CCSER1: variants seen among roughly 807,000 people sequenced by gnomAD.
CCSER1 encodes serine-rich coiled-coil domain-containing protein 1.
CCSER1 carries 41 observed loss-of-function variants against 82.0 expected under a neutral mutation model. The observed-to-expected ratio is 0.50, with a 90% CI of 0.39 to 0.65. The LOEUF (loss-of-function observed/expected upper bound fraction) is 0.65. Among genes scored for constraint, CCSER1 ranks in the 30% least tolerant of loss-of-function variants. The pLI is 0.00. For missense variants in CCSER1, 1,119 were observed against 1,064.2 expected, an observed-to-expected ratio of 1.05 and a Z score of -0.72; for synonymous variants, 414 against 383.9, an observed-to-expected ratio of 1.08 and a Z score of -0.92.
At chr4:90,761,164 C>A (rs1750356148) in intron 7 of CCSER1, among the ~76,000 whole-genome samples, 2 of 152,036 alleles carry the variant, frequency 1.3e-5, no homozygotes, top group African/African-American at 4.8e-5. Flanking sequence ...TCGTTACTAA[C>A]TATGGTTTGA....
At chr4:90,795,901 A>AT (rs1447106186) in intron 7 of CCSER1, among the ~76,000 whole-genome samples, 4 of 151,856 alleles carry the variant, frequency 2.6e-5, no homozygotes, top group Admixed American at 6.6e-5. Context: ...TTTTGCCAGT[A>AT]TTTTTTTGAG....
At chr4:90,782,776 G>C (rs994769216) in intron 7 of CCSER1, among the ~76,000 whole-genome samples, 8 of 147,710 alleles carry the variant, frequency 5.4e-5, no homozygotes, top group Non-Finnish European at 1.0e-4. Flanking sequence ...CCACCTCCCG[G>C]GTTCACGCCA....
At chr4:90,639,396 T>C (rs960838339) in intron 6 of CCSER1, among the ~76,000 whole-genome samples, 1 of 152,050 alleles carries the variant, frequency 6.6e-6, no homozygotes, top group African/African-American at 2.4e-5. Context: ...TTTATGCTTT[T>C]CTGGACATAC....
chr4:90,462,711 A>C (rs1328216115), intron 4 of CCSER1, among the ~76,000 whole-genome samples: 1 of 152,126 alleles, frequency 6.6e-6, no homozygotes, highest in Admixed American at 6.6e-5. Context: ...TAGCCACCAG[A>C]CTCCAGCTTG....
chr4:90,909,019 C>T (rs1054604479), intron 8 of CCSER1, among the ~76,000 whole-genome samples: 2 of 152,078 alleles, frequency 1.3e-5, no homozygotes, highest in Non-Finnish European at 2.9e-5. Flanking sequence ...TGGGCAGAGC[C>T]ATATTTCCTC....
chr4:90,962,544 C>T (rs1581213283), intron 9 of CCSER1, among the ~76,000 whole-genome samples: 1 of 152,072 alleles, frequency 6.6e-6, no homozygotes, highest in Non-Finnish European at 1.5e-5. Flanking sequence ...AAACTTGCTT[C>T]TCAGAATGTG....
chr4:91,156,970 A>G (rs1020356017), intron 10 of CCSER1, among the ~76,000 whole-genome samples: 1 of 151,968 alleles, frequency 6.6e-6, no homozygotes, highest in Non-Finnish European at 1.5e-5. Context: ...TCTTCCATGT[A>G]CGACGTTACT....
At chr4:90,811,993 C>T (rs1360158167) in intron 7 of CCSER1, among the ~76,000 whole-genome samples, 11,277 of 117,140 alleles carry the variant, frequency 0.096, 498 homozygotes, top group Admixed American at 0.13. Context: ...TATATATAAA[C>T]ACATATATAT....
At chr4:90,956,181 T>G (rs1397309233) in intron 9 of CCSER1, among the ~76,000 whole-genome samples, 1 of 152,104 alleles carries the variant, frequency 6.6e-6, no homozygotes, top group African/African-American at 2.4e-5. Context: ...GCCTTAGAAC[T>G]TTGTCAAAAG....
intron 7 of CCSER1, among the ~76,000 whole-genome samples, chr4:90,765,799 A>G (rs149210492): frequency 1.1e-3 from 169 of 152,304 alleles, no homozygotes; most frequent in African/African-American, 4.0e-3. Flanking sequence ...ACCTAGATAC[A>G]AGAGTCAGAC....
At chr4:90,399,061 G>GT (rs1359918723) in intron 3 of CCSER1, among the ~76,000 whole-genome samples, 8 of 151,922 alleles carry the variant, frequency 5.3e-5, no homozygotes, top group South Asian at 2.1e-4. Context: ...TATTTAGGCT[G>GT]TTTTTTTGAT....
chr4:90,320,450 T>G (rs937540367), intron 3 of CCSER1, among the ~76,000 whole-genome samples: 5 of 152,160 alleles, frequency 3.3e-5, no homozygotes, highest in South Asian at 4.1e-4. Flanking sequence ...ATGACATTGT[T>G]CCAGTGGAAG....
chr4:91,170,442 C>T (rs891195712), intron 10 of CCSER1, among the ~76,000 whole-genome samples: 3 of 152,010 alleles, frequency 2.0e-5, no homozygotes, highest in Non-Finnish European at 2.9e-5. Context: ...TCTGAAAACA[C>T]GTGACTGTGT....
At chr4:90,508,198 G>A (rs1770976218) in intron 5 of CCSER1, among the ~76,000 whole-genome samples, 1 of 152,016 alleles carries the variant, frequency 6.6e-6, no homozygotes, top group East Asian at 1.9e-4. Flanking sequence ...TCTCAGAAAA[G>A]CAGTTACGTT....
At position 91,183,437 on chromosome 4, in the gene CCSER1, C is replaced by T. The variant is rs540279569; in HGVS notation, c.2217+97443C>T. Among the ~76,000 whole-genome samples the T allele has an allele frequency of 1.7e-4, 26 of 152,180 alleles. No homozygotes were observed. The South Asian group carries it at 5.2e-3, about 30-fold the overall frequency. ...AAATTTAGTTATTTTAGGGAGAATC[C>T]AATTAGTTAATTTCAAAAACTGAAA... On this transcript the variant is annotated intron_variant, in intron 10 of 10. Transcript: ENST00000509176.
At chr4:91,211,032 A>G (rs1011643241) in intron 10 of CCSER1, among the ~76,000 whole-genome samples, 2 of 152,036 alleles carry the variant, frequency 1.3e-5, no homozygotes, top group African/African-American at 4.8e-5. Context: ...GTTTGTTTCA[A>G]AATGAATAAA....
intron 6 of CCSER1, among the ~76,000 whole-genome samples, chr4:90,700,157 GC>G (rs1737777846): frequency 1.3e-5 from 2 of 151,836 alleles, no homozygotes; most frequent in Non-Finnish European, 2.9e-5. Flanking sequence ...CCCACAACAG[GC>G]CCCGGTGTGT....
chr4:91,176,828 T>C (rs1733428533), intron 10 of CCSER1, among the ~76,000 whole-genome samples: 1 of 152,196 alleles, frequency 6.6e-6, no homozygotes, highest in African/African-American at 2.4e-5. Context: ...TCCTGCCTGA[T>C]TGCCCTGGCC....
intron 5 of CCSER1, among the ~76,000 whole-genome samples, chr4:90,528,212 A>G (rs1774031511): frequency 2.0e-5 from 3 of 152,208 alleles, no homozygotes; most frequent in Admixed American, 2.0e-4. Context: ...TGCAGAAGAA[A>G]AAATAGTTGT....
Sources: allele counts gnomAD v4.1 joint callset (sites outside exome capture counted in the v4.1 genomes callset), GRCh38; gene constraint gnomAD v4.1.1; transcripts MANE v1.5; gene names NCBI Gene and HGNC (gene_info 2026-07-23, HGNC 2026-07-21).